Variants in STXBP4 observed in about 807,000 individuals in gnomAD.
STXBP4 encodes the protein syntaxin-binding protein 4.
A neutral mutation model predicts 76.1 loss-of-function variants in STXBP4; 55 were observed. The ratio of observed to expected loss-of-function variants is 0.72; its 90% CI spans 0.58 to 0.91. The LOEUF is 0.91. STXBP4 is among the 40% of genes least tolerant of loss of function. STXBP4 has a pLI of 0.00. For missense variants in STXBP4, 618 were observed against 636.9 expected (o/e 0.97, Z 0.32); for synonymous variants, 201 against 220.2 (o/e 0.91, Z 0.77).
the STXBP4 span, among the ~76,000 whole-genome samples, chr17:55,182,323 T>C: frequency 6.6e-6 from 1 of 152,114 alleles, no homozygotes; most frequent in Non-Finnish European, 1.5e-5. Flanking sequence ...TAACCAAAAT[T>C]AAGAACTCCA....
At chr17:55,012,313 A>G (rs1203169141) in intron 8 of STXBP4, among the ~76,000 whole-genome samples, 1 of 152,058 alleles carries the variant, frequency 6.6e-6, no homozygotes, top group Non-Finnish European at 1.5e-5. Context: ...TCTTCTTCTG[A>G]GTACTGGGGC....
chr17:55,159,294 ATTG>A (rs1339878012), intron 17 of STXBP4, among the ~76,000 whole-genome samples: 1 of 152,140 alleles, frequency 6.6e-6, no homozygotes, highest in Non-Finnish European at 1.5e-5. Flanking sequence ...AAAAGCAGGT[ATTG>A]TTGAGGCAGC....
At chr17:55,050,264 T>C (rs1277301747) in intron 12 of STXBP4, among the ~76,000 whole-genome samples, 1 of 152,048 alleles carries the variant, frequency 6.6e-6, no homozygotes, top group African/African-American at 2.4e-5. Context: ...TTAGAAGTTT[T>C]AATAGTTAAA....
At position 55,043,590 on chromosome 17, in the gene STXBP4, C is replaced by T. The variant is rs1174127616; in HGVS notation, c.945+265C>T. 2.6e-6 allele frequency: 4 copies of T among 1,546,836 alleles called. No homozygotes were observed. In the South Asian group the frequency reaches 3.6e-5, roughly 14 times the overall value. ...GTCTTCTGTTGAGGTTTCTTCTTAT[C>T]CTTTTTATTCTCTCTCATTAGTGGC... On this transcript the variant is annotated intron_variant, in intron 11 of 17. Coordinates refer to ENST00000376352, the MANE Select transcript of STXBP4 (RefSeq NM_178509.6).
chr17:55,052,592 G>C (rs1433483281), intron 12 of STXBP4, among the ~76,000 whole-genome samples: 2 of 152,026 alleles, frequency 1.3e-5, no homozygotes, highest in African/African-American at 4.8e-5. Flanking sequence ...TTGATGAAGA[G>C]CAGAATATTT....
chr17:55,079,216 C>G (rs141573108), intron 15 of STXBP4, among the ~76,000 whole-genome samples: 1 of 152,036 alleles, frequency 6.6e-6, no homozygotes, highest in African/African-American at 2.4e-5. Flanking sequence ...GAATATACCT[C>G]GATTGTCTCA....
downstream of STXBP4, among the ~76,000 whole-genome samples, chr17:55,176,420 G>A (rs1435779647): frequency 6.6e-6 from 1 of 152,170 alleles, no homozygotes; most frequent in Non-Finnish European, 1.5e-5. Context: ...TGATGCTGTG[G>A]GGTTCAGTGT....
At chr17:55,173,988 C>A (rs2080419458), downstream of STXBP4, among the ~76,000 whole-genome samples, 1 of 152,210 alleles carries the variant, frequency 6.6e-6, no homozygotes, top group African/African-American at 2.4e-5. Context: ...CTCTTTCTAA[C>A]CCTTCTCTCA....
At chr17:54,988,328 ATTGT>A (rs1337515184) in intron 3 of STXBP4, among the ~76,000 whole-genome samples, 1 of 152,160 alleles carries the variant, frequency 6.6e-6, no homozygotes, top group African/African-American at 2.4e-5. Context: ...TATGCTGGAG[ATTGT>A]TTGTGCCCCC....
chr17:55,096,810 C>T (rs2111098), intron 16 of STXBP4, among the ~76,000 whole-genome samples: 45,427 of 151,828 alleles, frequency 0.3, 7,087 homozygotes, highest in African/African-American at 0.35. Context: ...GGATGCACTC[C>T]TCCATAAAGT....
In STXBP4 at chr17:55,141,451, A is replaced by G. The variant is rs530153573; in HGVS notation, c.1547+84A>G. 3.2e-4 allele frequency: 381 copies of G among 1,208,886 alleles called. 5 individuals are homozygous for G. The South Asian group carries it at 5.3e-3, about 17-fold the overall frequency. 74.9% of individuals were successfully genotyped at this position (1,208,886 alleles called of 1,614,324 possible). A position where few individuals can be genotyped will look rare whatever the true frequency, so the allele number is the denominator to read the frequency against. On this transcript the variant is annotated intron_variant, in intron 17 of 17. Transcript: ENST00000376352. ...AAGTTGCAGAATAATCAGCAAAACT[A>G]AGAAACCTTCTTGGAGGTTACAAAA...
At chr17:55,112,120 G>A (rs960900751) in intron 16 of STXBP4, among the ~76,000 whole-genome samples, 9 of 151,740 alleles carry the variant, frequency 5.9e-5, no homozygotes, top group Admixed American at 5.3e-4. Flanking sequence ...GGGTCTTGCT[G>A]TGTTGCCCAG....
In STXBP4 at chr17:55,161,392, G is replaced by A. The variant is rs913245240; in HGVS notation, c.*1481G>A. The A allele has an allele frequency of 6.6e-6, 1 of 152,184 alleles. No homozygotes were observed. The highest frequency in any genetic ancestry group is 1.5e-5 in the Non-Finnish European group (1 of 68,028). 9.4% of individuals were successfully genotyped at this position (152,184 alleles called of 1,614,324 possible). On this transcript the variant is annotated 3_prime_UTR_variant, in exon 18 of 18. Transcript: ENST00000376352. ...GAGACAAGTTTTGAGAGAAGCCCCAGAGGGAGCTATTTCCTTGCACCCCCC... is the reference window on the plus strand; with the variant it reads ...GAGACAAGTTTTGAGAGAAGCCCCAAAGGGAGCTATTTCCTTGCACCCCCC...
chr17:54,990,061 C>G (rs1253857611), intron 3 of STXBP4, among the ~76,000 whole-genome samples: 2 of 152,126 alleles, frequency 1.3e-5, no homozygotes, highest in Admixed American at 1.3e-4. Flanking sequence ...ACATTTTTGT[C>G]CTACTCCAAA....
At chr17:55,071,648 T>C (rs140881151) in intron 12 of STXBP4, among the ~76,000 whole-genome samples, 5 of 152,282 alleles carry the variant, frequency 3.3e-5, no homozygotes, top group Admixed American at 6.5e-5. Context: ...GTTTAGTGTC[T>C]ACCCCCAGTA....
chr17:55,099,990 G>T (rs947794887), intron 16 of STXBP4, among the ~76,000 whole-genome samples: 5 of 152,050 alleles, frequency 3.3e-5, no homozygotes, highest in African/African-American at 1.2e-4. Context: ...TATGAGTGAG[G>T]ATGATACACC....
chr17:55,164,904 C>T lies in STXBP4; in HGVS notation c.*4993C>T, dbSNP rs189295861. ...TCACTTACACACTTACCGAGAGCTA[C>T]TAGAGGCCAGACACTTCACTGAGTA... On this transcript the variant is annotated 3_prime_UTR_variant, in exon 18 of 18. Transcript: ENST00000376352. 2 of 152,394 alleles carry T rather than the reference C, an allele frequency of 1.3e-5. No individual in the cohort carries two copies. Among genetic ancestry groups the T allele is most frequent in the South Asian group, 2.1e-4 (1 of 4,822 alleles). 9.4% of individuals were successfully genotyped at this position (152,394 alleles called of 1,614,324 possible).
At position 55,139,986 on chromosome 17, in the gene STXBP4, G is replaced by A. The variant is rs376905494; in HGVS notation, c.1490-1324G>A. 1.4e-3 allele frequency among the ~76,000 whole-genome samples: 213 copies of A among 152,222 alleles called. 1 individual carries two copies. The highest frequency in any genetic ancestry group is 4.9e-3 in the African/African-American group (204 of 41,556). On this transcript the variant is annotated intron_variant, in intron 16 of 17. Coordinates refer to ENST00000376352, the MANE Select transcript of STXBP4 (RefSeq NM_178509.6). ...ACTTCACAAGAAGCAAATGGCGATA[G>A]AGTAAGGTTTTATTTCATTCAAATA...
At chr17:54,990,316 G>C (rs2077694444) in intron 3 of STXBP4, among the ~76,000 whole-genome samples, 1 of 152,168 alleles carries the variant, frequency 6.6e-6, no homozygotes, top group South Asian at 2.1e-4. Flanking sequence ...TGAGTCTAGG[G>C]CAAGTAAGCA....
Sources: allele counts gnomAD v4.1 joint callset (sites outside exome capture counted in the v4.1 genomes callset), GRCh38; gene constraint gnomAD v4.1.1; transcripts MANE v1.5; gene names NCBI Gene and HGNC (gene_info 2026-07-23, HGNC 2026-07-21).